SLC36A1: variants seen among roughly 807,000 people sequenced by gnomAD.
SLC36A1 encodes the protein proton-coupled amino acid transporter 1.
In SLC36A1, 30 loss-of-function variants were observed where a neutral mutation model predicts 47.5. That is an observed-to-expected ratio of 0.63 (90% CI 0.47 to 0.86). SLC36A1 has a LOEUF of 0.86. Among genes scored for constraint, SLC36A1 ranks in the 40% least tolerant of loss-of-function variants. The probability of loss-of-function intolerance (pLI) is 0.00; values close to 1 mark genes in which losing one functional copy is unlikely to be tolerated. For missense variants in SLC36A1, 517 were observed against 606.0 expected, an observed-to-expected ratio of 0.85 and a Z score of 1.54; for synonymous variants, 255 against 249.7, an observed-to-expected ratio of 1.02 and a Z score of -0.20.
chr5:151,451,036 A>G (rs1753579901), intron 1 of SLC36A1: 1 of 152,274 alleles, frequency 6.6e-6, no homozygotes, highest in Admixed American at 6.5e-5. Context: ...TGATGAGCAC[A>G]TAAAGGTAGC....
rs1241389600 is a variant in SLC36A1 at position 151,479,441 on chromosome 5, G to C, written c.1111G>C (p.Glu371Gln). Residue 371 changes from glutamate (E) to glutamine (Q), a missense_variant, in exon 10 of 11, where the codon GAG becomes CAG. By Grantham distance (29) the Glu-to-Gln change is conservative (BLOSUM62 2). Coordinates refer to ENST00000243389, the MANE Select transcript of SLC36A1 (RefSeq NM_078483.4). Reference protein sequence around the residue: ...FFVSRAPEHCELVVDLFVRTV... With the variant: ...FFVSRAPEHCQLVVDLFVRTV... Reference sequence around the variant, plus strand: ...TGTGTCCCGAGCGCCCGAGCACTGTGAGTTAGTGGTGGACCTGTTTGTGCG... The same window carrying C: ...TGTGTCCCGAGCGCCCGAGCACTGTCAGTTAGTGGTGGACCTGTTTGTGCG... The C allele has an allele frequency of 1.2e-6, 2 of 1,614,224 alleles. 1 individual carries two copies. Among genetic ancestry groups the C allele is most frequent in the Middle Eastern group, 3.3e-4 (2 of 6,062 alleles).
the SLC36A1 span, among the ~76,000 whole-genome samples, chr5:151,374,333 A>G: frequency 6.6e-6 from 1 of 152,214 alleles, no homozygotes; most frequent in East Asian, 1.9e-4. Flanking sequence ...CCAGGAGCTC[A>G]TTAAAACAGC....
chr5:151,545,158 A>G, the SLC36A1 span: 5 of 1,614,236 alleles, frequency 3.1e-6, no homozygotes, highest in Non-Finnish European at 4.2e-6. Flanking sequence ...CTGGGCACCA[A>G]GAATCACCAG....
the SLC36A1 span, among the ~76,000 whole-genome samples, chr5:151,539,372 G>A: frequency 6.6e-6 from 1 of 152,326 alleles, no homozygotes; most frequent in South Asian, 2.1e-4. Context: ...GCAAGTCGAA[G>A]TTTGTATATA....
the SLC36A1 span, among the ~76,000 whole-genome samples, chr5:151,415,926 T>C: frequency 6.6e-6 from 1 of 152,086 alleles, no homozygotes; most frequent in South Asian, 2.1e-4. Flanking sequence ...GCTAACATGG[T>C]GAAACCCTGT....
At chr5:151,449,378 AGTGGAAAGGGACAAACTTT>A in intron 1 of SLC36A1, among the ~76,000 whole-genome samples, 1 of 152,328 alleles carries the variant, frequency 6.6e-6, no homozygotes, top group East Asian at 1.9e-4. Flanking sequence ...CTTGAAGTCA[AGTGGAAAGGGACAAACTTT>A]GTGTTTGTCT....
chr5:151,468,262 A>ATAT (rs1554113467), intron 7 of SLC36A1, among the ~76,000 whole-genome samples: 7 of 81,120 alleles, frequency 8.6e-5, no homozygotes, highest in African/African-American at 4.7e-4. Flanking sequence ...AAAAAAAAAA[A>ATAT]AAAAATATAT....
chr5:151,457,250 T>G (rs1166359785), intron 1 of SLC36A1, among the ~76,000 whole-genome samples: 1 of 152,016 alleles, frequency 6.6e-6, no homozygotes, highest in Non-Finnish European at 1.5e-5. Context: ...ACCTAGCTGT[T>G]GCAGGGCAGG....
the SLC36A1 span, chr5:151,381,196 C>G: frequency 2.5e-6 from 1 of 405,336 alleles, no homozygotes. Context: ...ACCTGCTAGC[C>G]CATGGACTAT....
At chr5:151,395,201 G>A in the SLC36A1 span, among the ~76,000 whole-genome samples, 3 of 152,246 alleles carry the variant, frequency 2.0e-5, no homozygotes, top group Admixed American at 6.5e-5. Flanking sequence ...GGGACCCTCT[G>A]AGCCAGGCGC....
chr5:151,506,774 G>A, the SLC36A1 span, among the ~76,000 whole-genome samples: 1 of 152,328 alleles, frequency 6.6e-6, no homozygotes, highest in African/African-American at 2.4e-5. Flanking sequence ...CTGGCCCAAG[G>A]CTGCTGCACT....
the SLC36A1 span, among the ~76,000 whole-genome samples, chr5:151,391,381 A>G: frequency 1.3e-5 from 2 of 152,078 alleles, no homozygotes; most frequent in Non-Finnish European, 1.5e-5. Flanking sequence ...TTCCTAATTG[A>G]ATACCCTTTA....
chr5:151,407,433 T>C, the SLC36A1 span, among the ~76,000 whole-genome samples: 3 of 151,250 alleles, frequency 2.0e-5, no homozygotes, highest in Admixed American at 6.6e-5. Context: ...TTTACAATCC[T>C]TTAGCTAGAC....
chr5:151,534,803 C>A, the SLC36A1 span, among the ~76,000 whole-genome samples: 1 of 151,776 alleles, frequency 6.6e-6, no homozygotes. Flanking sequence ...TGTATCCCCC[C>A]ATACCCATTC....
chr5:151,469,156 A>G (rs1756993356), intron 7 of SLC36A1: 2 of 618,374 alleles, frequency 3.2e-6, no homozygotes, highest in Non-Finnish European at 2.9e-6. Context: ...ATTAAAATGC[A>G]GACAACACAA....
chr5:151,481,777 T>C (rs1279937012), intron 10 of SLC36A1, among the ~76,000 whole-genome samples: 1 of 152,200 alleles, frequency 6.6e-6, no homozygotes, highest in Admixed American at 6.5e-5. Flanking sequence ...AAGTATTTCA[T>C]AGGATAGTGC....
At chr5:151,473,413 T>C (rs1176280654) in intron 7 of SLC36A1, among the ~76,000 whole-genome samples, 1 of 152,190 alleles carries the variant, frequency 6.6e-6, no homozygotes, top group African/African-American at 2.4e-5. Flanking sequence ...TGTGACTCTT[T>C]TTATGCAAGC....
chr5:151,529,105 C>G, the SLC36A1 span: 9 of 1,277,584 alleles, frequency 7.0e-6, no homozygotes, highest in South Asian at 1.1e-4. Flanking sequence ...TCATAGATGG[C>G]TGGGTGTGGG....
chr5:151,540,871 C>T, the SLC36A1 span: 1 of 1,017,762 alleles, frequency 9.8e-7, no homozygotes. Flanking sequence ...GTTGGGAAAG[C>T]AAACATTTCC....
Sources: gnomAD v4.1 joint callset for allele counts (sites outside exome capture counted in the v4.1 genomes callset) on GRCh38, gnomAD v4.1.1 for gene constraint, MANE v1.5 for transcripts, NCBI Gene and HGNC (gene_info 2026-07-23, HGNC 2026-07-21) for gene names.